C19orf38: variants seen among roughly 807,000 people sequenced by gnomAD.
The protein encoded by C19orf38 is protein HIDE1.
Under a neutral mutation model 26.6 loss-of-function variants are expected in C19orf38, and 14 were observed. The observed-to-expected ratio is 0.53, with a 90% confidence interval of 0.35 to 0.82. C19orf38 has a LOEUF of 0.82. C19orf38 is among the 40% of genes least tolerant of loss of function. The pLI, the probability that C19orf38 is intolerant of heterozygous loss-of-function variation, is 0.01. For synonymous variants in C19orf38, 132 were observed against 128.5 expected (o/e 1.03, Z -0.18); for missense variants, 261 against 299.5 (o/e 0.87, Z 0.95).
At chr19:10,859,815 A>T in intron 4 of C19orf38, 100 bp from the exon 5 acceptor site, 1 of 1,075,790 alleles carries the variant, frequency 9.3e-7, no homozygotes, top group Non-Finnish European at 1.4e-6. Context: ...AGCAAAGGCT[A>T]CATTTTGGGT....
At position 10,856,307 on chromosome 19, in the gene C19orf38, C is replaced by A. The variant is rs1458939082; in HGVS notation, c.383C>A (p.Ala128Asp). ...ILVLSLSLAG[A>D]LFLLAGLVAV... ...GTGCTCTCCCTGAGCCTGGCTGGTGCCCTCTTCCTCCTTGCTGGGCTGGTG... is the reference window on the plus strand; with the variant it reads ...GTGCTCTCCCTGAGCCTGGCTGGTGACCTCTTCCTCCTTGCTGGGCTGGTG... Residue 128 changes from alanine (A) to aspartate (D), a missense_variant, in exon 3 of 7, where the codon GCC becomes GAC. Transcript: ENST00000397820. The A allele has an allele frequency of 1.3e-6, 2 of 1,551,206 alleles. No individual in the cohort carries two copies. Among genetic ancestry groups the A allele is most frequent in the Non-Finnish European group, 1.7e-6 (2 of 1,146,712 alleles).
chr19:10,869,227 C>G lies in C19orf38; in HGVS notation c.553C>G (p.Pro185Ala), dbSNP rs2073779632. The G allele has an allele frequency of 1.3e-6, 2 of 1,551,608 alleles. No homozygotes were observed. Among genetic ancestry groups the G allele is most frequent in the African/African-American group, 1.4e-5 (1 of 73,144 alleles). The change falls in exon 7 of 7, where the codon CCA becomes GCA. Residue 185 changes from proline (P) to alanine (A), a missense_variant. Coordinates refer to ENST00000397820, the MANE Select transcript of C19orf38 (RefSeq NM_001136482.3). ...TCTTACATGGACAAAGAAAACGATG[C>G]CAGAAGAAGACCCGGCCACCTTGGA... ...SLFTVSAKTM[P>A]EEDPATLDDH... is the part of the protein sequence containing the mutation.
chr19:10,857,339 C>CATATATATATATAT (rs1215628613), intron 3 of C19orf38, among the ~76,000 whole-genome samples: 14 of 54,004 alleles, frequency 2.6e-4, no homozygotes, highest in Non-Finnish European at 3.6e-4. Flanking sequence ...CACACACATA[C>CATATATATATATAT]ATATATATAT....
chr19:10,842,076 A>G (rs1342464850), intron 1 of C19orf38: 32 of 1,598,864 alleles, frequency 2.0e-5, no homozygotes, highest in South Asian at 4.4e-5. Context: ...ATTATTGGAC[A>G]GTATGGCTCA....
chr19:10,859,367 TATATATATATATATA>T (rs1203412260), intron 4 of C19orf38, among the ~76,000 whole-genome samples: 16 of 59,612 alleles, frequency 2.7e-4, no homozygotes, highest in African/African-American at 1.6e-3. Flanking sequence ...TATATATATA[TATATATATATATATA>T]TATTTTTTTT....
intron 4 of C19orf38, among the ~76,000 whole-genome samples, 191 bp from the exon 5 acceptor site, chr19:10,859,724 G>A (rs1164270730): frequency 6.6e-6 from 1 of 151,976 alleles, no homozygotes; most frequent in Non-Finnish European, 1.5e-5. Context: ...CGGCCAAGGG[G>A]CTGTCCCACA....
At chr19:10,857,339 CATATAT>C (rs1215628613) in intron 3 of C19orf38, among the ~76,000 whole-genome samples, 25 of 54,010 alleles carry the variant, frequency 4.6e-4, no homozygotes, top group African/African-American at 1.6e-3. Context: ...CACACACATA[CATATAT>C]ATATATATAT....
chr19:10,859,376 ATATATATATT>A (rs1305055539), intron 4 of C19orf38, among the ~76,000 whole-genome samples: 53 of 42,266 alleles, frequency 1.3e-3, no homozygotes, highest in East Asian at 0.011. Context: ...ATATATATAT[ATATATATATT>A]TTTTTTTTTT....
At chr19:10,855,882 T>G (rs1159247966) in intron 2 of C19orf38, among the ~76,000 whole-genome samples, 3 of 152,148 alleles carry the variant, frequency 2.0e-5, no homozygotes, top group Non-Finnish European at 4.4e-5. Flanking sequence ...TAGGCTGGTC[T>G]TGAGCCCCTG....
chr19:10,866,357 A>ATTT (rs71164128), intron 6 of C19orf38, among the ~76,000 whole-genome samples: 6 of 125,640 alleles, frequency 4.8e-5, no homozygotes, highest in Admixed American at 8.5e-5. Context: ...TGCCCAGCTA[A>ATTT]TTTTTTTTTT....
chr19:10,864,570 C>T (rs980683049), intron 6 of C19orf38, among the ~76,000 whole-genome samples: 2 of 152,154 alleles, frequency 1.3e-5, no homozygotes, highest in South Asian at 4.1e-4. Flanking sequence ...GGACCGGATT[C>T]AGGTGCACAC....
intron 2 of C19orf38, among the ~76,000 whole-genome samples, chr19:10,851,400 G>A (rs2146254370): frequency 6.6e-6 from 1 of 150,734 alleles, no homozygotes; most frequent in South Asian, 2.1e-4. Flanking sequence ...GAGGGCAATG[G>A]CACAATCATA....
chr19:10,860,180 G>A (rs1045558183), intron 5 of C19orf38: 9 of 533,104 alleles, frequency 1.7e-5, no homozygotes, highest in Admixed American at 9.3e-5. Flanking sequence ...CCTAGACAGG[G>A]TCTGTGCCTG....
In C19orf38 at chr19:10,841,854, T is replaced by TGA. The variant is rs1359473564; in HGVS notation, c.-69+5084_-69+5085insGA. The TGA allele has an allele frequency of 2.0e-6, 3 of 1,480,850 alleles. No individual in the cohort carries two copies. The African/African-American group carries it at 4.2e-5, about 21-fold the overall frequency. 91.7% of individuals were successfully genotyped at this position (1,480,850 alleles called of 1,614,324 possible). On this transcript the variant is annotated intron_variant, in intron 1 of 7. Transcript: ENST00000592854. ...TTAGCTGGGCATGGGAACAATCCCA[T>TGA]TTCCTGAGGGAATGGGAGGATCTGT...
chr19:10,859,380 ATATATTTTTTTT>A (rs2073672602), intron 4 of C19orf38, among the ~76,000 whole-genome samples: 1 of 34,380 alleles, frequency 2.9e-5, no homozygotes, highest in Non-Finnish European at 5.0e-5. Context: ...ATATATATAT[ATATATTTTTTTT>A]TTTTTTTTTA....
At chr19:10,862,537 T>C (rs1464945141) in intron 5 of C19orf38, among the ~76,000 whole-genome samples, 2 of 150,864 alleles carry the variant, frequency 1.3e-5, no homozygotes, top group Non-Finnish European at 1.5e-5. Context: ...CCTACAAGAA[T>C]GGGTAATGGA....
chr19:10,838,493 T>C (rs1489103671), intron 1 of C19orf38, among the ~76,000 whole-genome samples: 1 of 152,218 alleles, frequency 6.6e-6, no homozygotes. Flanking sequence ...GACTTCTATG[T>C]AGTTCCAAAA....
intron 1 of C19orf38, among the ~76,000 whole-genome samples, chr19:10,837,492 A>ATTTTTTTTTTTTCTTTTTTTTTTTTT (rs1400870400): frequency 1.2e-5 from 1 of 81,964 alleles, no homozygotes; most frequent in African/African-American, 4.8e-5. Flanking sequence ...TTTTTTTTTA[A>ATTTTTTTTTTTTCTTTTTTTTTTTTT]TTTTTTTTTC....
intron 6 of C19orf38, 134 bp downstream of exon 6, chr19:10,863,341 A>G (rs2073722183): frequency 9.5e-7 from 1 of 1,052,110 alleles, no homozygotes; most frequent in African/African-American, 1.6e-5. Flanking sequence ...AAAAGCCCAG[A>G]ATCACTGAAC....
Sources: gnomAD v4.1 joint callset for allele counts (sites outside exome capture counted in the v4.1 genomes callset) on GRCh38, gnomAD v4.1.1 for gene constraint, MANE v1.5 for transcripts, NCBI Gene and HGNC (gene_info 2026-07-23, HGNC 2026-07-21) for gene names.